The following ENTREP2 variants were observed in gnomAD, a reference collection of about 807,000 sequenced individuals.
ENTREP2 encodes protein ENTREP2.
At chr15:29,653,588 A>G in the ENTREP2 span, among the ~76,000 whole-genome samples, 1 of 152,160 alleles carries the variant, frequency 6.6e-6, no homozygotes, top group African/African-American at 2.4e-5. Flanking sequence ...TTCCTCCTGC[A>G]TTCCTTCTCC....
chr15:29,271,604 A>G, the ENTREP2 span, among the ~76,000 whole-genome samples: 1 of 152,232 alleles, frequency 6.6e-6, no homozygotes, highest in Non-Finnish European at 1.5e-5. Context: ...AACATTGTAT[A>G]AAGAACAGAA....
chr15:29,322,437 T>C, the ENTREP2 span, among the ~76,000 whole-genome samples: 3 of 152,236 alleles, frequency 2.0e-5, no homozygotes, highest in South Asian at 6.2e-4. Context: ...ACTCATATAT[T>C]TTCTTATTCT....
At chr15:29,370,612 C>T in the ENTREP2 span, among the ~76,000 whole-genome samples, 1 of 151,824 alleles carries the variant, frequency 6.6e-6, no homozygotes, top group African/African-American at 2.4e-5. Context: ...GGTTTTCTAT[C>T]CTGGCTGCAT....
chr15:29,648,480 T>C, the ENTREP2 span, among the ~76,000 whole-genome samples: 2 of 152,170 alleles, frequency 1.3e-5, no homozygotes, highest in Non-Finnish European at 2.9e-5. Context: ...TCTTGCAGTA[T>C]TGCTTCCACC....
the ENTREP2 span, among the ~76,000 whole-genome samples, chr15:29,571,354 G>A: frequency 6.6e-6 from 1 of 152,208 alleles, no homozygotes; most frequent in African/African-American, 2.4e-5. Flanking sequence ...CCTGGGGACG[G>A]CTCGGGATGG....
the ENTREP2 span, among the ~76,000 whole-genome samples, chr15:29,589,600 C>G: frequency 6.6e-6 from 1 of 152,198 alleles, no homozygotes; most frequent in Non-Finnish European, 1.5e-5. Flanking sequence ...CCATGAACAC[C>G]GCATTCAGCT....
At chr15:29,301,991 G>A in the ENTREP2 span, among the ~76,000 whole-genome samples, 33 of 152,158 alleles carry the variant, frequency 2.2e-4, no homozygotes, top group African/African-American at 7.0e-4. Flanking sequence ...CCCAGCCTAT[G>A]GTATTTTGTT....
chr15:29,493,874 G>A, the ENTREP2 span, among the ~76,000 whole-genome samples: 1 of 152,016 alleles, frequency 6.6e-6, no homozygotes, highest in African/African-American at 2.4e-5. Context: ...GTACTCGGGA[G>A]GCTGAGGCAG....
the ENTREP2 span, among the ~76,000 whole-genome samples, chr15:29,486,150 A>G: frequency 6.8e-6 from 1 of 146,204 alleles, no homozygotes; most frequent in Non-Finnish European, 1.5e-5. Flanking sequence ...AAAATGATAA[A>G]TTGATACATT....
the ENTREP2 span, among the ~76,000 whole-genome samples, chr15:29,243,128 G>A: frequency 2.2e-4 from 34 of 152,196 alleles, no homozygotes; most frequent in East Asian, 1.9e-4. Context: ...AAGCTCTCTC[G>A]CCATGAACAC....
chr15:29,122,375 C>A, the ENTREP2 span: 1 of 151,682 alleles, frequency 6.6e-6, no homozygotes, highest in South Asian at 2.2e-4. Flanking sequence ...GATCCTCCTG[C>A]GCAGGTGTGT....
At chr15:29,291,894 A>C in the ENTREP2 span, among the ~76,000 whole-genome samples, 1 of 152,226 alleles carries the variant, frequency 6.6e-6, no homozygotes, top group East Asian at 1.9e-4. Context: ...TACATTTAAA[A>C]TATCAGTTCA....
At chr15:29,295,545 C>A in the ENTREP2 span, among the ~76,000 whole-genome samples, 1 of 152,190 alleles carries the variant, frequency 6.6e-6, no homozygotes, top group African/African-American at 2.4e-5. Context: ...AGCAGTTTTT[C>A]CTATACTTAC....
chr15:29,185,706 C>T, the ENTREP2 span, among the ~76,000 whole-genome samples: 5 of 152,074 alleles, frequency 3.3e-5, no homozygotes, highest in Non-Finnish European at 5.9e-5. Flanking sequence ...GGATTACAGG[C>T]GCCCGCCACC....
At chr15:29,225,034 C>T in the ENTREP2 span, among the ~76,000 whole-genome samples, 12 of 152,210 alleles carry the variant, frequency 7.9e-5, no homozygotes, top group African/African-American at 2.4e-4. Context: ...GCTGGCCGGC[C>T]GCTCTGAGTG....
At chr15:29,221,143 G>A in the ENTREP2 span, among the ~76,000 whole-genome samples, 4 of 152,086 alleles carry the variant, frequency 2.6e-5, no homozygotes, top group Admixed American at 2.0e-4. Flanking sequence ...GTCTTCCTAG[G>A]ACACAGCAAC....
the ENTREP2 span, among the ~76,000 whole-genome samples, chr15:29,377,204 C>T: frequency 6.6e-6 from 1 of 152,110 alleles, no homozygotes; most frequent in African/African-American, 2.4e-5. Flanking sequence ...TCAAGTCATG[C>T]TAGTGCTAAG....
the ENTREP2 span, among the ~76,000 whole-genome samples, chr15:29,661,739 C>T: frequency 2.0e-5 from 3 of 152,138 alleles, no homozygotes; most frequent in Admixed American, 6.5e-5. Flanking sequence ...ACAGTCTCCA[C>T]TTCATTATTA....
chr15:29,403,623 A>T, the ENTREP2 span, among the ~76,000 whole-genome samples: 1 of 152,202 alleles, frequency 6.6e-6, no homozygotes, highest in African/African-American at 2.4e-5. Flanking sequence ...TTTCCAAATC[A>T]TTATGAATAA....
Sources: gnomAD v4.1 joint callset for allele counts (sites outside exome capture counted in the v4.1 genomes callset) on GRCh38, gnomAD v4.1.1 for gene constraint, MANE v1.5 for transcripts, NCBI Gene and HGNC (gene_info 2026-07-23, HGNC 2026-07-21) for gene names.